Variants in HDAC9 observed in about 807,000 individuals in gnomAD.
HDAC9 encodes the protein MEF-2 interacting transcription repressor (MITR) protein.
Under a neutral mutation model 139.4 loss-of-function variants are expected in HDAC9, and 41 were observed. The ratio of observed to expected loss-of-function variants is 0.29; its 90% confidence interval spans 0.23 to 0.38. HDAC9 has a LOEUF of 0.38. Among genes scored for constraint, HDAC9 ranks in the 10% least tolerant of loss-of-function variants. The probability of loss-of-function intolerance (pLI) is 1.00; values close to 1 mark genes in which losing one functional copy is unlikely to be tolerated. For synonymous variants in HDAC9, 517 were observed against 476.2 expected, an observed-to-expected ratio of 1.09 and a Z score of -1.12; for missense variants, 1,147 against 1,297.0, an observed-to-expected ratio of 0.88 and a Z score of 1.78.
In HDAC9 at chr7:18,954,231, G is replaced by A; in HGVS notation, c.3022+1G>A. The A allele has an allele frequency of 6.8e-7, 1 of 1,468,732 alleles. No homozygotes were observed. The allele number at this position is 1,468,732 out of a possible 1,614,324, so 91.0% of individuals were successfully genotyped here. ...TTACAGAAGATCATTGAAATTCAAAGTATGTCTTTAAAGTTCTCTTAAAAA... is the reference window on the plus strand; with the variant it reads ...TTACAGAAGATCATTGAAATTCAAAATATGTCTTTAAAGTTCTCTTAAAAA... On this transcript the variant is annotated splice_donor_variant, in intron 24 of 25. Coordinates refer to ENST00000686413, the MANE Select transcript of HDAC9 (RefSeq NM_178425.4). LOFTEE classifies it high-confidence loss of function.
rs906668313 is a variant in HDAC9 at position 18,928,123 on chromosome 7, G to A, written c.2804-7686G>A. Among the ~76,000 whole-genome samples, 8 of 152,116 alleles carry A rather than the reference G, an allele frequency of 5.3e-5. 1 individual carries two copies. The highest frequency in any genetic ancestry group is 1.9e-4 in the African/African-American group (8 of 41,424). On this transcript the variant is annotated intron_variant, in intron 22 of 25. Coordinates refer to ENST00000686413, the MANE Select transcript of HDAC9 (RefSeq NM_178425.4). ...GTCTGTTCTATTTTACTACAGGGAG[G>A]CAGGATAGCAATAGTAACTAAATTG...
At position 18,884,143 on chromosome 7, in the gene HDAC9, A is replaced by G. The variant is rs1190621268; in HGVS notation, c.2803+9547A>G. Among the ~76,000 whole-genome samples, 5 of 152,186 alleles carry G rather than the reference A, an allele frequency of 3.3e-5. No individual in the cohort carries two copies. In the East Asian group the frequency reaches 9.6e-4, roughly 29 times the overall value. On this transcript the variant is annotated intron_variant, in intron 22 of 25. Coordinates refer to ENST00000686413, the MANE Select transcript of HDAC9 (RefSeq NM_178425.4). Reference sequence around the variant, plus strand: ...GTGCCCAAAGCTATCTTCAGATTCAATTCAATCTCTGTCAAATTCCCAATG... The same window carrying G: ...GTGCCCAAAGCTATCTTCAGATTCAGTTCAATCTCTGTCAAATTCCCAATG...
chr7:18,384,465 G>A (rs1050916379), intron 1 of HDAC9, among the ~76,000 whole-genome samples: 2 of 152,206 alleles, frequency 1.3e-5, no homozygotes, highest in East Asian at 1.9e-4. Flanking sequence ...TTCTGAAAGG[G>A]AGTGCCTGTC....
At chr7:18,953,547 A>C (rs1782948730) in intron 23 of HDAC9, among the ~76,000 whole-genome samples, 1 of 152,156 alleles carries the variant, frequency 6.6e-6, no homozygotes, top group African/African-American at 2.4e-5. Context: ...GTGCTTACAC[A>C]CAGACATCTG....
intron 24 of HDAC9, among the ~76,000 whole-genome samples, chr7:18,957,467 A>G (rs1783233123): frequency 6.6e-6 from 1 of 152,120 alleles, no homozygotes; most frequent in African/African-American, 2.4e-5. Context: ...TTTTATAACC[A>G]ATGCTTCCAT....
At chr7:18,633,223 G>A (rs1455056976) in intron 7 of HDAC9, among the ~76,000 whole-genome samples, 2 of 152,120 alleles carry the variant, frequency 1.3e-5, no homozygotes, top group African/African-American at 4.8e-5. Context: ...GACAAACATG[G>A]ATGTAGAGAA....
upstream of HDAC9, among the ~76,000 whole-genome samples, chr7:18,491,553 C>A (rs1796370468): frequency 6.6e-6 from 1 of 151,956 alleles, no homozygotes; most frequent in Non-Finnish European, 1.5e-5. Flanking sequence ...CAACAACACG[C>A]ATATAGTTAC....
chr7:18,158,836 C>T (rs1012785362), intron 1 of HDAC9, among the ~76,000 whole-genome samples: 2 of 152,180 alleles, frequency 1.3e-5, no homozygotes, highest in Non-Finnish European at 2.9e-5. Context: ...TGGTAGTGCC[C>T]TCTCTTTTTT....
intron 2 of HDAC9, among the ~76,000 whole-genome samples, chr7:18,549,924 TTC>T (rs979589812): frequency 6.6e-6 from 1 of 151,992 alleles, no homozygotes; most frequent in African/African-American, 2.4e-5. Context: ...TTCCTCCTCT[TTC>T]TCTCCCTTCT....
At chr7:18,408,636 A>T (rs781198523) in intron 1 of HDAC9, among the ~76,000 whole-genome samples, 3 of 152,180 alleles carry the variant, frequency 2.0e-5, no homozygotes, top group Non-Finnish European at 2.9e-5. Context: ...CGTTTATGAA[A>T]TTTACATAGC....
intron 25 of HDAC9, among the ~76,000 whole-genome samples, chr7:18,989,022 G>T (rs1395051755): frequency 1.9e-5 from 2 of 103,962 alleles, no homozygotes; most frequent in Non-Finnish European, 4.2e-5. Context: ...TATCCAATTT[G>T]CCAGTCTGTG....
intron 6 of HDAC9, 84 bp from the exon 7 acceptor site, chr7:18,629,266 C>A (rs1584344114): frequency 1.2e-6 from 1 of 864,870 alleles, no homozygotes; most frequent in Non-Finnish European, 1.6e-6. Flanking sequence ...AAGGGTGAGA[C>A]TTTTTTTTTT....
At chr7:18,106,746 G>T (rs1783233460) in intron 1 of HDAC9, among the ~76,000 whole-genome samples, 1 of 152,174 alleles carries the variant, frequency 6.6e-6, no homozygotes, top group Non-Finnish European at 1.5e-5. Flanking sequence ...GAGCCACCGT[G>T]GCTGGCCCTG....
intron 12 of HDAC9, among the ~76,000 whole-genome samples, chr7:18,720,548 A>C (rs1328272994): frequency 6.6e-6 from 1 of 151,738 alleles, no homozygotes. Context: ...TATCAGTGAA[A>C]TTATTTCATA....
intron 2 of HDAC9, among the ~76,000 whole-genome samples, chr7:18,506,352 G>A (rs766718436): frequency 6.6e-6 from 1 of 152,024 alleles, no homozygotes; most frequent in Non-Finnish European, 1.5e-5. Flanking sequence ...AGACACACAG[G>A]GTTTATTTTT....
intron 12 of HDAC9, among the ~76,000 whole-genome samples, chr7:18,701,397 T>TAAAAAAAAA (rs533989795): frequency 9.7e-6 from 1 of 103,150 alleles, no homozygotes. Context: ...GCGTCTGATT[T>TAAAAAAAAA]AAAAAAAAAC....
chr7:18,474,265 C>T (rs1794946004), intron 1 of HDAC9, among the ~76,000 whole-genome samples: 1 of 152,164 alleles, frequency 6.6e-6, no homozygotes, highest in Non-Finnish European at 1.5e-5. Flanking sequence ...TAGTACTATT[C>T]TTGTACCTAT....
At chr7:18,829,570 T>C (rs1017475888) in intron 19 of HDAC9, 22 bp downstream of exon 19, 1 of 1,448,688 alleles carries the variant, frequency 6.9e-7, no homozygotes, top group African/African-American at 1.4e-5. Flanking sequence ...TGGCCAGAGC[T>C]GCATTTTCAG....
chr7:18,386,867 A>G (rs1054491785), intron 1 of HDAC9, among the ~76,000 whole-genome samples: 1 of 152,180 alleles, frequency 6.6e-6, no homozygotes, highest in Non-Finnish European at 1.5e-5. Context: ...GATACACCAC[A>G]TGGCCAAATT....
Sources: allele counts gnomAD v4.1 joint callset (sites outside exome capture counted in the v4.1 genomes callset), GRCh38; gene constraint gnomAD v4.1.1; transcripts MANE v1.5; gene names NCBI Gene and HGNC (gene_info 2026-07-23, HGNC 2026-07-21).